GRID2: variants seen among roughly 807,000 people sequenced by gnomAD.
GRID2 encodes glutamate receptor ionotropic, delta-2.
GRID2 carries 33 observed loss-of-function variants against 114.8 expected under a neutral mutation model. The observed-to-expected ratio is 0.29, with a 90% CI of 0.22 to 0.38. GRID2 has a LOEUF of 0.38. Among genes scored for constraint, GRID2 ranks in the 10% least tolerant of loss-of-function variants. GRID2 has a pLI of 1.00. For synonymous variants in GRID2, 505 were observed against 449.9 expected (o/e 1.12, Z -1.55); for missense variants, 1,184 against 1,257.7 (o/e 0.94, Z 0.89).
chr4:92,623,415 A>G (rs2149240338), intron 2 of GRID2, among the ~76,000 whole-genome samples: 1 of 151,802 alleles, frequency 6.6e-6, no homozygotes, highest in Admixed American at 6.6e-5. Flanking sequence ...GGACTGGCTA[A>G]TAAAAGTGAT....
intron 1 of GRID2, among the ~76,000 whole-genome samples, chr4:92,310,153 A>C (rs759590250): frequency 4.1e-4 from 62 of 152,130 alleles, no homozygotes; most frequent in Non-Finnish European, 5.3e-4. Flanking sequence ...CACTACTATC[A>C]CTACAAGTAC....
intron 2 of GRID2, among the ~76,000 whole-genome samples, chr4:92,681,457 C>T (rs1484829485): frequency 6.6e-6 from 1 of 152,094 alleles, no homozygotes; most frequent in African/African-American, 2.4e-5. Flanking sequence ...TTTCTAGCTT[C>T]TTCCACGTCC....
At chr4:93,660,024 T>C (rs1723346063) in intron 14 of GRID2, among the ~76,000 whole-genome samples, 1 of 152,128 alleles carries the variant, frequency 6.6e-6, no homozygotes, top group Non-Finnish European at 1.5e-5. Context: ...GTGATTTTTT[T>C]TTTCTGATGC....
intron 1 of GRID2, among the ~76,000 whole-genome samples, chr4:92,486,463 C>T (rs2149109489): frequency 6.6e-6 from 1 of 150,994 alleles, no homozygotes; most frequent in Middle Eastern, 3.5e-3. Flanking sequence ...CATAGAAAAC[C>T]AGATTAATAT....
chr4:92,647,823 T>A lies in GRID2; in HGVS notation c.244+57537T>A, dbSNP rs188177180. 3.2e-4 allele frequency among the ~76,000 whole-genome samples: 48 copies of A among 149,818 alleles called. 2 individuals carry two copies. The highest frequency in any genetic ancestry group is 1.8e-3 in the Admixed American group (27 of 15,054). On this transcript the variant is annotated intron_variant, in intron 2 of 15. Transcript: ENST00000282020. Reference sequence around the variant, plus strand: ...ATTTAACATGTATGTCTGAACCCAGTTTCACTCTGGAACCAATAATTTGAA... The same window carrying A: ...ATTTAACATGTATGTCTGAACCCAGATTCACTCTGGAACCAATAATTTGAA...
At chr4:93,737,937 T>G (rs1423170267) in intron 14 of GRID2, among the ~76,000 whole-genome samples, 1 of 152,162 alleles carries the variant, frequency 6.6e-6, no homozygotes, top group Non-Finnish European at 1.5e-5. Flanking sequence ...CATCAATAAT[T>G]AGTTCATATC....
At chr4:92,663,279 A>T (rs2149270580) in intron 2 of GRID2, among the ~76,000 whole-genome samples, 1 of 151,308 alleles carries the variant, frequency 6.6e-6, no homozygotes, top group East Asian at 1.9e-4. Context: ...AATAAGGATT[A>T]GGGCATTAAT....
intron 13 of GRID2, among the ~76,000 whole-genome samples, chr4:93,619,191 A>C (rs1256044760): frequency 6.6e-6 from 1 of 152,234 alleles, no homozygotes; most frequent in Non-Finnish European, 1.5e-5. Flanking sequence ...AGGTAGCAGT[A>C]AACAAAACCA....
At chr4:92,407,823 C>G (rs942393785) in intron 1 of GRID2, among the ~76,000 whole-genome samples, 1 of 152,084 alleles carries the variant, frequency 6.6e-6, no homozygotes, top group Non-Finnish European at 1.5e-5. Flanking sequence ...CTTACAGATT[C>G]TGGGTGTTAG....
At chr4:93,657,988 G>GA (rs1429294900) in intron 14 of GRID2, among the ~76,000 whole-genome samples, 1 of 152,172 alleles carries the variant, frequency 6.6e-6, no homozygotes. Flanking sequence ...GTGTTGAGCT[G>GA]AAATGGACCA....
chr4:93,666,862 G>A (rs1723992223), intron 14 of GRID2, among the ~76,000 whole-genome samples: 1 of 152,022 alleles, frequency 6.6e-6, no homozygotes, highest in Admixed American at 6.6e-5. Context: ...CAACATTAAT[G>A]TAAGAAAGAA....
At chr4:92,312,979 A>G (rs1000944910) in intron 1 of GRID2, among the ~76,000 whole-genome samples, 11 of 152,106 alleles carry the variant, frequency 7.2e-5, no homozygotes, top group African/African-American at 2.7e-4. Context: ...TTCAAAAAAG[A>G]TACTTGAACA....
intron 2 of GRID2, among the ~76,000 whole-genome samples, chr4:92,614,805 T>A (rs751531060): frequency 6.6e-6 from 1 of 151,674 alleles, no homozygotes; most frequent in Non-Finnish European, 1.5e-5. Context: ...TCAATAGCAT[T>A]TTATTATTGA....
intron 2 of GRID2, among the ~76,000 whole-genome samples, chr4:92,961,990 GT>G (rs1752850285): frequency 6.6e-6 from 1 of 151,690 alleles, no homozygotes; most frequent in African/African-American, 2.4e-5. Context: ...CTTTTACAGT[GT>G]TTTTGAGCTC....
intron 8 of GRID2, among the ~76,000 whole-genome samples, chr4:93,246,039 AC>A (rs1056558698): frequency 6.6e-5 from 10 of 152,154 alleles, no homozygotes; most frequent in African/African-American, 2.2e-4. Context: ...TGAAACACTA[AC>A]TTTTTTGTTT....
rs191939930 is a variant in GRID2 at position 93,727,730 on chromosome 4, G to A, written c.2361-41480G>A. ...TTAGTCTTGGGAGAGTGTATGTGTT[G>A]AGGAATTTATCCATTTCTTCTAGAT... is the stretch of plus-strand genomic sequence containing the variant. On this transcript the variant is annotated intron_variant, in intron 14 of 15. Coordinates refer to ENST00000282020, the MANE Select transcript of GRID2 (RefSeq NM_001510.4). Among the ~76,000 whole-genome samples the A allele has an allele frequency of 4.6e-3, 707 of 152,240 alleles. 6 individuals are homozygous for A. The highest frequency in any genetic ancestry group is 0.016 in the African/African-American group (659 of 41,556).
At chr4:93,293,638 A>T (rs1308322966) in intron 8 of GRID2, among the ~76,000 whole-genome samples, 1 of 152,184 alleles carries the variant, frequency 6.6e-6, no homozygotes, top group Non-Finnish European at 1.5e-5. Context: ...AGTTGTTGCC[A>T]AAATAATTTG....
chr4:93,410,994 A>C (rs183391283), intron 9 of GRID2, among the ~76,000 whole-genome samples: 1 of 152,284 alleles, frequency 6.6e-6, no homozygotes, highest in East Asian at 1.9e-4. Context: ...GTTATAAACA[A>C]ATTTTTATTT....
chr4:93,496,314 T>C (rs1035906120), intron 12 of GRID2, among the ~76,000 whole-genome samples: 6 of 151,790 alleles, frequency 4.0e-5, no homozygotes, highest in African/African-American at 1.4e-4. Context: ...TACAGAGCAG[T>C]GTCATGTATT....
Sources: allele counts gnomAD v4.1 joint callset (sites outside exome capture counted in the v4.1 genomes callset), GRCh38; gene constraint gnomAD v4.1.1; transcripts MANE v1.5; gene names NCBI Gene and HGNC (gene_info 2026-07-23, HGNC 2026-07-21).